The following ATP6V1E1 variants were observed in gnomAD, a reference collection of about 807,000 sequenced individuals.
ATP6V1E1 encodes the protein V-type proton ATPase subunit E 1.
Under a neutral mutation model 35.2 loss-of-function variants are expected in ATP6V1E1, and 21 were observed. That is an observed-to-expected ratio of 0.60 (90% CI 0.42 to 0.86). The LOEUF is 0.86. ATP6V1E1 is among the 40% of genes least tolerant of loss of function. The probability of loss-of-function intolerance (pLI) is 0.00; values close to 1 mark genes in which losing one functional copy is unlikely to be tolerated. For synonymous variants in ATP6V1E1, 83 were observed against 87.8 expected (o/e 0.95, Z 0.30); for missense variants, 183 against 272.6 (o/e 0.67, Z 2.32).
chr22:17,608,809 G>A (rs942223946), intron 4 of ATP6V1E1, among the ~76,000 whole-genome samples: 1 of 152,168 alleles, frequency 6.6e-6, no homozygotes, highest in Non-Finnish European at 1.5e-5. Flanking sequence ...TTCATTGGCC[G>A]GGAGCAGTGG....
chr22:17,593,285 C>A (rs554855001), intron 8 of ATP6V1E1, among the ~76,000 whole-genome samples: 297 of 139,552 alleles, frequency 2.1e-3, no homozygotes, highest in African/African-American at 9.3e-3. Flanking sequence ...AAAAACAAAA[C>A]AAAAAAAAAC....
chr22:17,628,207 C>G (rs2057932099), intron 1 of ATP6V1E1, among the ~76,000 whole-genome samples: 1 of 152,158 alleles, frequency 6.6e-6, no homozygotes, highest in Non-Finnish European at 1.5e-5. Context: ...CTCAGGTGAT[C>G]CGGCCGCCTC....
chr22:17,593,589 C>T (rs937122680), intron 8 of ATP6V1E1, among the ~76,000 whole-genome samples: 3 of 152,086 alleles, frequency 2.0e-5, no homozygotes, highest in Non-Finnish European at 4.4e-5. Context: ...ATTAAATATC[C>T]GTAAGTGAGT....
At chr22:17,628,385 G>T (rs979454151) in intron 1 of ATP6V1E1, among the ~76,000 whole-genome samples, 1 of 152,266 alleles carries the variant, frequency 6.6e-6, no homozygotes, top group South Asian at 2.1e-4. Flanking sequence ...AAGGCAGCGC[G>T]CAGGCAAGCG....
chr22:17,596,478 C>A (rs1343865409), intron 7 of ATP6V1E1, among the ~76,000 whole-genome samples: 1 of 151,870 alleles, frequency 6.6e-6, no homozygotes, highest in East Asian at 1.9e-4. Context: ...CACACACCCA[C>A]TCCCCTTCCA....
intron 2 of ATP6V1E1, among the ~76,000 whole-genome samples, chr22:17,616,291 T>C (rs897707683): frequency 2.0e-5 from 3 of 152,292 alleles, no homozygotes; most frequent in East Asian, 1.9e-4. Context: ...GGGGTTGTGG[T>C]GAGCCGACAT....
rs768949211 is a variant in ATP6V1E1 at position 17,628,616 on chromosome 22, T to C, written c.20A>G (p.Asp7Gly). 1 of 1,614,168 alleles carries C rather than the reference T, an allele frequency of 6.2e-7. No individual in the cohort carries two copies. Among genetic ancestry groups the C allele is most frequent in the Non-Finnish European group, 8.5e-7 (1 of 1,180,042 alleles). ...CAAGCCCCTCACCTGCTTTTGCACG[T>C]CAGCATCGCTGAGAGCCATGGCGAG... MALSDA[D>G]VQKQIKHMMA... Residue 7 changes from aspartate (D) to glycine (G), a missense_variant, in exon 1 of 9, where the codon GAC becomes GGC. Physicochemically the swap from Asp to Gly is moderately conservative, Grantham distance 94 (BLOSUM62 -1). Transcript: ENST00000253413.
At chr22:17,611,875 A>G (rs1277908182) in intron 4 of ATP6V1E1, among the ~76,000 whole-genome samples, 1 of 152,204 alleles carries the variant, frequency 6.6e-6, no homozygotes, top group African/African-American at 2.4e-5. Flanking sequence ...CTAAGAAAAC[A>G]GTATGTCTTC....
intron 4 of ATP6V1E1, among the ~76,000 whole-genome samples, chr22:17,606,224 T>G (rs905792906): frequency 6.6e-6 from 1 of 152,326 alleles, no homozygotes; most frequent in East Asian, 1.9e-4. Flanking sequence ...GTTCTGTATT[T>G]TTCCCCTTCC....
At chr22:17,592,778 G>C (rs372860433) in intron 8 of ATP6V1E1, 42 bp from the exon 9 acceptor site, 5 of 1,332,296 alleles carry the variant, frequency 3.8e-6, no homozygotes, top group African/African-American at 2.9e-5. Flanking sequence ...GTCAGCTGAA[G>C]AAGTTGTAGA....
At chr22:17,604,471 C>T (rs1022259260) in intron 4 of ATP6V1E1, among the ~76,000 whole-genome samples, 1 of 152,160 alleles carries the variant, frequency 6.6e-6, no homozygotes, top group Middle Eastern at 3.4e-3. Flanking sequence ...AAAACCATAT[C>T]TCCCTGGCCC....
At chr22:17,619,654 G>T in intron 1 of ATP6V1E1, 128 bp from the exon 2 acceptor site, 1 of 759,510 alleles carries the variant, frequency 1.3e-6, no homozygotes, top group Non-Finnish European at 2.1e-6. Context: ...GGGGGGCCAA[G>T]GAGGGAGGAT....
chr22:17,620,499 G>A (rs987171390), intron 1 of ATP6V1E1, among the ~76,000 whole-genome samples: 2 of 151,816 alleles, frequency 1.3e-5, no homozygotes, highest in African/African-American at 2.4e-5. Flanking sequence ...ACTTCCTCCT[G>A]TTCTCCTTTC....
chr22:17,605,042 C>T (rs1441531461), intron 4 of ATP6V1E1, among the ~76,000 whole-genome samples: 1 of 149,508 alleles, frequency 6.7e-6, no homozygotes, highest in African/African-American at 2.5e-5. Context: ...ATGGTGAAAC[C>T]CTGTCTCTAC....
intron 4 of ATP6V1E1, among the ~76,000 whole-genome samples, chr22:17,602,231 T>A (rs2057765304): frequency 6.6e-6 from 1 of 151,942 alleles, no homozygotes; most frequent in South Asian, 2.1e-4. Flanking sequence ...TAGTTTGTAT[T>A]TTCTAATCTG....
intron 1 of ATP6V1E1, among the ~76,000 whole-genome samples, chr22:17,627,852 A>C (rs568619935): frequency 8.0e-5 from 12 of 150,356 alleles, no homozygotes; most frequent in African/African-American, 2.4e-4. Flanking sequence ...AAAAAAACAC[A>C]GTTCATAAAG....
In ATP6V1E1 at chr22:17,612,865, A is replaced by G; in HGVS notation, c.223T>C (p.Leu75=). 6.2e-7 allele frequency: 1 copy of G among 1,609,648 alleles called. No homozygotes were observed. Among genetic ancestry groups the G allele is most frequent in the Non-Finnish European group, 8.5e-7 (1 of 1,179,250 alleles). Residue 75 remains leucine (L), a synonymous_variant, in exon 4 of 9, where the codon TTG becomes CTG. Transcript: ENST00000253413. ...ACTTTGAGTCTCGCTTGATTCATCAAATTGGACATCTGACTGCAAAACGGT... is the reference window on the plus strand; with the variant it reads ...ACTTTGAGTCTCGCTTGATTCATCAGATTGGACATCTGACTGCAAAACGGT... ...EQQKKIQMSN[L]MNQARLKVLR...
chr22:17,624,018 T>A (rs2057891287), intron 1 of ATP6V1E1, among the ~76,000 whole-genome samples: 1 of 152,172 alleles, frequency 6.6e-6, no homozygotes, highest in South Asian at 2.1e-4. Context: ...TAGAGTCAGG[T>A]TTCTTTGTAA....
intron 4 of ATP6V1E1, among the ~76,000 whole-genome samples, chr22:17,604,188 C>T (rs560740071): frequency 4.7e-5 from 7 of 149,362 alleles, no homozygotes; most frequent in East Asian, 2.0e-4. Flanking sequence ...AATTACCATC[C>T]GTGTGATAAG....
Sources: gnomAD v4.1 joint callset for allele counts (sites outside exome capture counted in the v4.1 genomes callset) on GRCh38, gnomAD v4.1.1 for gene constraint, MANE v1.5 for transcripts, NCBI Gene and HGNC (gene_info 2026-07-23, HGNC 2026-07-21) for gene names.